SYPL2: variants seen among roughly 807,000 people sequenced by gnomAD.
The protein encoded by SYPL2 is synaptophysin like 2.
Under a neutral mutation model 31.3 loss-of-function variants are expected in SYPL2, and 24 were observed. The observed-to-expected ratio is 0.77, with a 90% confidence interval of 0.56 to 1.08. The LOEUF (loss-of-function observed/expected upper bound fraction) is 1.08, where lower values mean the gene tolerates loss of function less well. SYPL2 is among the 50% of genes least tolerant of loss of function. The pLI, the probability that SYPL2 is intolerant of heterozygous loss-of-function variation, is 0.00. For synonymous variants in SYPL2, 144 were observed against 143.1 expected (o/e 1.01, Z -0.05); for missense variants, 342 against 360.1 (o/e 0.95, Z 0.41).
chr1:109,471,757 C>A (rs753897293), intron 2 of SYPL2, among the ~76,000 whole-genome samples: 39 of 152,134 alleles, frequency 2.6e-4, no homozygotes, highest in Non-Finnish European at 4.6e-4. Context: ...ACTCTGTCAT[C>A]CAGGCTGGAG....
At position 109,466,581 on chromosome 1, in the gene SYPL2, A is replaced by C. The variant is rs1420475477; in HGVS notation, c.-263A>C. 3.8e-5 allele frequency: 15 copies of C among 393,358 alleles called. No individual in the cohort carries two copies. The East Asian group carries it at 5.8e-4, about 15-fold the overall frequency. The allele number at this position is 393,358 out of a possible 1,614,324, so 24.4% of individuals were successfully genotyped here. On this transcript the variant is annotated 5_prime_UTR_variant, in exon 1 of 6. Coordinates refer to ENST00000369872, the MANE Select transcript of SYPL2 (RefSeq NM_001040709.2). ...CCAAGTTCGCTGCGAGTTTGACAGA[A>C]GTTTGAATCCGAGTCGGGGGCTTTC...
chr1:109,479,648 C>G lies in SYPL2; in HGVS notation c.*100C>G. On this transcript the variant is annotated 3_prime_UTR_variant, in exon 6 of 6. Coordinates refer to ENST00000369872, the MANE Select transcript of SYPL2 (RefSeq NM_001040709.2). Reference sequence around the variant, plus strand: ...TCCTCCTCCTCCAATTCCCCTCCCCCATCATTCTGGTCTTTGAGCTTTGAG... The same window carrying G: ...TCCTCCTCCTCCAATTCCCCTCCCCGATCATTCTGGTCTTTGAGCTTTGAG... 1 of 1,514,288 alleles carries G rather than the reference C, an allele frequency of 6.6e-7. No individual in the cohort carries two copies. Among genetic ancestry groups the G allele is most frequent in the East Asian group, 2.3e-5 (1 of 43,830 alleles). The allele number at this position is 1,514,288 out of a possible 1,614,324, so 93.8% of individuals were successfully genotyped here.
chr1:109,479,622 T>G lies in SYPL2; in HGVS notation c.*74T>G. 28 of 1,543,674 alleles carry G rather than the reference T, an allele frequency of 1.8e-5. No homozygotes were observed. Among genetic ancestry groups the G allele is most frequent in the East Asian group, 2.3e-5 (1 of 43,684 alleles). On this transcript the variant is annotated 3_prime_UTR_variant, in exon 6 of 6. Coordinates refer to ENST00000369872, the MANE Select transcript of SYPL2 (RefSeq NM_001040709.2). ...ACCTCCGGCTTCCAGGACCTTTCTC[T>G]TCCTCCTCCTCCAATTCCCCTCCCC...
chr1:109,466,800 G>C lies in SYPL2; in HGVS notation c.-44G>C. The C allele has an allele frequency of 6.7e-7, 1 of 1,491,886 alleles. No individual in the cohort carries two copies. Among genetic ancestry groups the C allele is most frequent in the Non-Finnish European group, 8.9e-7 (1 of 1,129,606 alleles). The allele number at this position is 1,491,886 out of a possible 1,614,324, so 92.4% of individuals were successfully genotyped here. A position where few individuals can be genotyped will look rare whatever the true frequency, so the allele number is the denominator to read the frequency against. Reference sequence around the variant, plus strand: ...CGCCGTGTCCGCCGCCTCCCGGCCAGAGAGCCAAGCCACCACGCCGCGCCC... The same window carrying C: ...CGCCGTGTCCGCCGCCTCCCGGCCACAGAGCCAAGCCACCACGCCGCGCCC... On this transcript the variant is annotated 5_prime_UTR_variant, in exon 1 of 6. Coordinates refer to ENST00000369872, the MANE Select transcript of SYPL2 (RefSeq NM_001040709.2).
rs1361119686 is a variant in SYPL2 at position 109,480,228 on chromosome 1, G to A, written c.*680G>A. ...TGGGAGCAAGATAAATTGCAACTGA[G>A]TTGCAGCTTCAAGAAAGTAAAGCCA... On this transcript the variant is annotated 3_prime_UTR_variant, in exon 6 of 6. Transcript: ENST00000369872. The A allele has an allele frequency of 6.6e-6, 1 of 152,202 alleles. No individual in the cohort carries two copies. The highest frequency in any genetic ancestry group is 1.5e-5 in the Non-Finnish European group (1 of 68,056). The allele number at this position is 152,202 out of a possible 1,614,324, so 9.4% of individuals were successfully genotyped here.
At chr1:109,476,109 T>C (rs966065105) in intron 3 of SYPL2, among the ~76,000 whole-genome samples, 3 of 152,096 alleles carry the variant, frequency 2.0e-5, no homozygotes, top group African/African-American at 7.2e-5. Flanking sequence ...AAAGAGTTGA[T>C]GTGGGATCCT....
intron 5 of SYPL2, among the ~76,000 whole-genome samples, chr1:109,479,161 T>C (rs1319869926): frequency 6.6e-6 from 1 of 152,210 alleles, no homozygotes; most frequent in East Asian, 1.9e-4. Context: ...CTTGGGTGCA[T>C]GGTGTGGACA....
At chr1:109,466,950 G>A in intron 1 of SYPL2, 53 bp downstream of exon 1, 1 of 1,534,092 alleles carries the variant, frequency 6.5e-7, no homozygotes, top group Non-Finnish European at 8.7e-7. Flanking sequence ...CTAGATGTCG[G>A]GCTGCACACT....
intron 2 of SYPL2, among the ~76,000 whole-genome samples, 196 bp downstream of exon 2, chr1:109,467,329 C>T (rs931089643): frequency 6.6e-6 from 1 of 152,094 alleles, no homozygotes; most frequent in African/African-American, 2.4e-5. Flanking sequence ...GGGTGAAGAG[C>T]GAGGCATGCG....
At chr1:109,476,679 G>C in intron 3 of SYPL2, 97 bp from the exon 4 acceptor site, 1 of 1,302,196 alleles carries the variant, frequency 7.7e-7, no homozygotes, top group Non-Finnish European at 1.1e-6. Context: ...TCTTGGCTCT[G>C]TAAGAGTCCC....
chr1:109,476,741 C>T, intron 3 of SYPL2, 35 bp from the exon 4 acceptor site: 1 of 1,604,616 alleles, frequency 6.2e-7, no homozygotes, highest in Middle Eastern at 1.7e-4. Flanking sequence ...GAGAGGATTG[C>T]CTGAGCTCAG....
intron 2 of SYPL2, 76 bp from the exon 3 acceptor site, chr1:109,475,505 C>G: frequency 1.3e-6 from 2 of 1,555,844 alleles, no homozygotes; most frequent in Non-Finnish European, 1.7e-6. Context: ...TCTGCACCTG[C>G]GGGGAGTCAC....
intron 2 of SYPL2, 122 bp downstream of exon 2, chr1:109,467,255 G>T: frequency 4.1e-6 from 3 of 733,236 alleles, no homozygotes; most frequent in Admixed American, 3.0e-5. Flanking sequence ...GAAGGGTGGG[G>T]GGCGGCGACA....
In SYPL2 at chr1:109,476,793, A is replaced by G; in HGVS notation, c.272A>G (p.Tyr91Cys). 6.2e-7 allele frequency: 1 copy of G among 1,614,084 alleles called. No homozygotes were observed. The highest frequency in any genetic ancestry group is 1.1e-5 in the South Asian group (1 of 91,066). ...GYPFRLHRIQ[Y>C]EMPLCDEESS... ...ACCTGCAGGTTGCACCGGATCCAATATGAGATGCCCCTCTGCGATGAAGAG... is the reference window on the plus strand; with the variant it reads ...ACCTGCAGGTTGCACCGGATCCAATGTGAGATGCCCCTCTGCGATGAAGAG... The change falls in exon 4 of 6, where the codon TAT becomes TGT. Residue 91 changes from tyrosine to cysteine, a missense_variant. Physicochemically the swap from Tyr to Cys is radical, Grantham distance 194. Transcript: ENST00000369872.
chr1:109,474,105 A>G (rs79121335), intron 2 of SYPL2, among the ~76,000 whole-genome samples: 4,133 of 152,228 alleles, frequency 0.027, 184 homozygotes, highest in African/African-American at 0.094. Context: ...TGACATACAG[A>G]TCAGCTGTCT....
chr1:109,475,675 C>T lies in SYPL2; in HGVS notation c.224C>T (p.Ser75Phe). 3 of 1,614,066 alleles carry T rather than the reference C, an allele frequency of 1.9e-6. No individual in the cohort carries two copies. The South Asian group carries it at 3.3e-5, about 18-fold the overall frequency. The change falls in exon 3 of 6, where the codon TCC becomes TTC. Residue 75 changes from serine to phenylalanine, a missense_variant. By Grantham distance (155) the Ser-to-Phe change is radical. Coordinates refer to ENST00000369872, the MANE Select transcript of SYPL2 (RefSeq NM_001040709.2). Reference protein sequence around the residue: ...RCNNEAKDVSSIIVAFGYPFR... With the variant: ...RCNNEAKDVSFIIVAFGYPFR... ...AACAACGAAGCCAAGGACGTGAGCTCCATCATCGTTGCATTTGGCTATCCC... is the reference window on the plus strand; with the variant it reads ...AACAACGAAGCCAAGGACGTGAGCTTCATCATCGTTGCATTTGGCTATCCC...
intron 2 of SYPL2, among the ~76,000 whole-genome samples, chr1:109,470,456 A>T (rs1655797801): frequency 2.0e-5 from 3 of 152,140 alleles, no homozygotes; most frequent in Admixed American, 1.3e-4. Flanking sequence ...CTTAAACTGG[A>T]AAGGTTTAAG....
Position 109,476,989 on chromosome 1 carries a change from C to G in SYPL2, c.456+12C>G, listed in dbSNP as rs750993499. ...GCTTCCCGCTGGTGGTGAGTCAGCACAGGCCAGAAGGAATGGGGTGGAGAA... is the reference window on the plus strand; with the variant it reads ...GCTTCCCGCTGGTGGTGAGTCAGCAGAGGCCAGAAGGAATGGGGTGGAGAA... On this transcript the variant is annotated intron_variant, in intron 4 of 5. Coordinates refer to ENST00000369872, the MANE Select transcript of SYPL2 (RefSeq NM_001040709.2). 1.9e-6 allele frequency: 3 copies of G among 1,613,972 alleles called. No homozygotes were observed. The African/African-American group carries it at 4.0e-5, about 22-fold the overall frequency.
chr1:109,477,069 G>A (rs1361792362), intron 4 of SYPL2, 92 bp downstream of exon 4: 34 of 1,479,738 alleles, frequency 2.3e-5, no homozygotes, highest in Admixed American at 1.3e-4. Flanking sequence ...CAAGCATGGC[G>A]GCTTCCACCC....
Sources: gnomAD v4.1 joint callset for allele counts (sites outside exome capture counted in the v4.1 genomes callset) on GRCh38, gnomAD v4.1.1 for gene constraint, MANE v1.5 for transcripts, NCBI Gene and HGNC (gene_info 2026-07-23, HGNC 2026-07-21) for gene names.